The following CCNYL1 variants were observed in gnomAD, a reference collection of about 807,000 sequenced individuals.
CCNYL1 encodes cyclin-Y-like protein 1.
Under a neutral mutation model 44.2 loss-of-function variants are expected in CCNYL1, and 16 were observed. The observed-to-expected ratio is 0.36, with a 90% CI of 0.25 to 0.55. The LOEUF (loss-of-function observed/expected upper bound fraction) is 0.55. Among genes scored for constraint, CCNYL1 ranks in the 20% least tolerant of loss-of-function variants. The probability of loss-of-function intolerance (pLI) is 0.85; values close to 1 mark genes in which losing one functional copy is unlikely to be tolerated. For synonymous variants in CCNYL1, 159 were observed against 163.2 expected (o/e 0.97, Z 0.20); for missense variants, 348 against 451.8 (o/e 0.77, Z 2.08).
chr2:207,712,240 G>A (rs906201382), intron 1 of CCNYL1, 124 bp downstream of exon 1: 1 of 737,048 alleles, frequency 1.4e-6, no homozygotes, highest in Non-Finnish European at 2.1e-6. Context: ...CCGGGACGAA[G>A]GCTGGTTCTG....
chr2:207,747,580 G>T (rs1296463676), intron 8 of CCNYL1, among the ~76,000 whole-genome samples: 1 of 152,120 alleles, frequency 6.6e-6, no homozygotes, highest in Non-Finnish European at 1.5e-5. Flanking sequence ...ACGGAGTCTT[G>T]CTCGGTTGCC....
chr2:207,732,010 A>G (rs529416723), intron 3 of CCNYL1, among the ~76,000 whole-genome samples: 34 of 152,152 alleles, frequency 2.2e-4, no homozygotes, highest in African/African-American at 7.5e-4. Flanking sequence ...GGGTTTCTCC[A>G]TGTTGGCCTG....
Position 207,716,848 on chromosome 2 carries a change from G to A in CCNYL1, c.220+4732G>A, listed in dbSNP as rs186224089. On this transcript the variant is annotated intron_variant, in intron 1 of 9. Coordinates refer to ENST00000295414, the MANE Select transcript of CCNYL1 (RefSeq NM_001330218.2). Reference sequence around the variant, plus strand: ...TTATGGGCCAGGTGTGGTGGCTCACGCCTGTAATCCCAGCACTTTGGGAGG... The same window carrying A: ...TTATGGGCCAGGTGTGGTGGCTCACACCTGTAATCCCAGCACTTTGGGAGG... Among the ~76,000 whole-genome samples, 777 of 152,204 alleles carry A rather than the reference G, an allele frequency of 5.1e-3. 7 individuals carry two copies. The highest frequency in any genetic ancestry group is 0.017 in the African/African-American group (722 of 41,520).
rs1559166277 is a variant in CCNYL1 at position 207,724,866 on chromosome 2, A to T, written c.287A>T (p.Gln96Leu). The change falls in exon 2 of 10, where the codon CAA (glutamine) becomes CTA (leucine). Residue 96 changes from glutamine to leucine, a missense_variant. Physicochemically the swap from Gln to Leu is moderately radical, Grantham distance 113. Coordinates refer to ENST00000295414, the MANE Select transcript of CCNYL1 (RefSeq NM_001330218.2). ...AGCACAATTTTCCTGAGCAAATCTC[A>T]AACGGATGGTAAGACAATACTGTTT... is the stretch of plus-strand genomic sequence containing the variant. Reference protein sequence around the residue: ...RASTIFLSKSQTDVREKRKSN... With the variant: ...RASTIFLSKSLTDVREKRKSN... 1 of 1,611,668 alleles carries T rather than the reference A, an allele frequency of 6.2e-7. No individual in the cohort carries two copies. The highest frequency in any genetic ancestry group is 1.7e-5 in the Admixed American group (1 of 59,680).
At chr2:207,712,408 T>C (rs2091557151) in intron 1 of CCNYL1, among the ~76,000 whole-genome samples, 1 of 152,242 alleles carries the variant, frequency 6.6e-6, no homozygotes, top group Non-Finnish European at 1.5e-5. Flanking sequence ...GCTCTGTTCA[T>C]TGTCTGGTGG....
Position 207,754,160 on chromosome 2 carries a change from AAGCCACTTAGGAGCAGAC to A in CCNYL1, c.*466_*483del, listed in dbSNP as rs1364624566. On this transcript the variant is annotated 3_prime_UTR_variant, in exon 10 of 10. Transcript: ENST00000295414. ...CCATTAAAACATGGGACTCTAACTA[AAGCCACTTAGGAGCAGAC>A]AGCAGCGTTGTTAGGTACTGAAGGG... 1 of 153,062 alleles carries A rather than the reference AAGCCACTTAGGAGCAGAC, an allele frequency of 6.5e-6. No individual in the cohort carries two copies. The highest frequency in any genetic ancestry group is 1.5e-5 in the Non-Finnish European group (1 of 68,390). 9.5% of individuals were successfully genotyped at this position (153,062 alleles called of 1,614,324 possible).
Position 207,715,403 on chromosome 2 carries a change from A to G in CCNYL1, c.220+3287A>G, listed in dbSNP as rs1166260776. 6.2e-3 allele frequency among the ~76,000 whole-genome samples: 56 copies of G among 9,038 alleles called. 1 individual carries two copies. The highest frequency in any genetic ancestry group is 2.3e-3 in the Non-Finnish European group (10 of 4,436). The allele number at this position is 9,038 out of a possible 152,430, so 5.9% of individuals were successfully genotyped here. ...TCTTTTTTTTTTTTTTTTTTTTTTGACAGAGCTTCACTCTTGCCTAGGCTG... is the reference window on the plus strand; with the variant it reads ...TCTTTTTTTTTTTTTTTTTTTTTTGGCAGAGCTTCACTCTTGCCTAGGCTG... On this transcript the variant is annotated intron_variant, in intron 1 of 9. Transcript: ENST00000295414.
At chr2:207,742,889 G>A (rs2091822150) in intron 7 of CCNYL1, among the ~76,000 whole-genome samples, 1 of 152,158 alleles carries the variant, frequency 6.6e-6, no homozygotes, top group African/African-American at 2.4e-5. Context: ...TTGGACAAAG[G>A]CTTTGCTGAT....
intron 2 of CCNYL1, among the ~76,000 whole-genome samples, chr2:207,725,152 G>T (rs2091670785): frequency 2.3e-5 from 3 of 133,044 alleles, no homozygotes; most frequent in Admixed American, 8.6e-5. Flanking sequence ...TTGAGAGGCT[G>T]GAGTGCCTTT....
chr2:207,751,950 G>A (rs1174481641), intron 9 of CCNYL1, among the ~76,000 whole-genome samples: 1 of 151,710 alleles, frequency 6.6e-6, no homozygotes, highest in Non-Finnish European at 1.5e-5. Context: ...CATGAGCATC[G>A]CTTGAACCTG....
rs2091928980 is a variant in CCNYL1 at position 207,755,976 on chromosome 2, G to A, written c.*2278G>A. Reference sequence around the variant, plus strand: ...GCTGCAGTTTCCATCATTTTTAAAGGACAGAGACATAAATGATAAATAATG... The same window carrying A: ...GCTGCAGTTTCCATCATTTTTAAAGAACAGAGACATAAATGATAAATAATG... On this transcript the variant is annotated 3_prime_UTR_variant, in exon 10 of 10. Transcript: ENST00000295414. 6.6e-6 allele frequency: 1 copy of A among 151,172 alleles called. No homozygotes were observed. Among genetic ancestry groups the A allele is most frequent in the South Asian group, 2.1e-4 (1 of 4,822 alleles). 9.4% of individuals were successfully genotyped at this position (151,172 alleles called of 1,614,324 possible).
Position 207,726,893 on chromosome 2 carries a change from A to G in CCNYL1, c.330+17A>G. Reference sequence around the variant, plus strand: ...TTGAACCATGTAAGTAAACAGTTGGAAAGCTAAGAAATTAACAGTTGAATT... The same window carrying G: ...TTGAACCATGTAAGTAAACAGTTGGGAAGCTAAGAAATTAACAGTTGAATT... On this transcript the variant is annotated intron_variant, in intron 3 of 9. Coordinates refer to ENST00000295414, the MANE Select transcript of CCNYL1 (RefSeq NM_001330218.2). 6.5e-7 allele frequency: 1 copy of G among 1,529,924 alleles called. No individual in the cohort carries two copies. The highest frequency in any genetic ancestry group is 8.8e-7 in the Non-Finnish European group (1 of 1,142,694). 94.8% of individuals were successfully genotyped at this position (1,529,924 alleles called of 1,614,324 possible).
chr2:207,751,498 T>C (rs2091890109), intron 9 of CCNYL1, among the ~76,000 whole-genome samples: 3 of 152,154 alleles, frequency 2.0e-5, no homozygotes, highest in Admixed American at 2.0e-4. Flanking sequence ...GGTGGGCAGA[T>C]CACTTGAGGT....
At position 207,728,206 on chromosome 2, in the gene CCNYL1, T is replaced by C. The variant is rs564965375; in HGVS notation, c.330+1330T>C. On this transcript the variant is annotated intron_variant, in intron 3 of 9. Transcript: ENST00000295414. ...CTCGAACTCCTGACCTCAGGTGATCTGCCCGCCTTGGCCTCCCAAAGTGGG... is the reference window on the plus strand; with the variant it reads ...CTCGAACTCCTGACCTCAGGTGATCCGCCCGCCTTGGCCTCCCAAAGTGGG... Among the ~76,000 whole-genome samples, 33 of 151,984 alleles carry C rather than the reference T, an allele frequency of 2.2e-4. No homozygotes were observed. In the East Asian group the frequency reaches 6.0e-3, roughly 28 times the overall value.
intron 5 of CCNYL1, among the ~76,000 whole-genome samples, chr2:207,740,351 G>T (rs2091798868): frequency 6.6e-6 from 1 of 152,158 alleles, no homozygotes; most frequent in African/African-American, 2.4e-5. Flanking sequence ...TCCAATGAGG[G>T]GTTAGAAGAG....
intron 4 of CCNYL1, among the ~76,000 whole-genome samples, chr2:207,735,483 A>G (rs2091758024): frequency 6.6e-6 from 1 of 152,230 alleles, no homozygotes. Context: ...TACACAGACA[A>G]GCACATCCCA....
chr2:207,714,302 A>C (rs2091575776), intron 1 of CCNYL1: 1 of 415,676 alleles, frequency 2.4e-6, no homozygotes. Context: ...CAGAGGCAAC[A>C]CTTACATCTC....
chr2:207,739,577 A>G (rs2091792694), intron 5 of CCNYL1, among the ~76,000 whole-genome samples: 2 of 152,246 alleles, frequency 1.3e-5, no homozygotes, highest in Middle Eastern at 6.8e-3. Flanking sequence ...AGTAAAAATG[A>G]TATTCTGTGA....
chr2:207,713,515 T>C (rs911854288), intron 1 of CCNYL1, among the ~76,000 whole-genome samples: 1 of 152,166 alleles, frequency 6.6e-6, no homozygotes, highest in Admixed American at 6.5e-5. Context: ...GAGATAAGTC[T>C]AGGTAAAAAT....
Sources: gnomAD v4.1 joint callset for allele counts (sites outside exome capture counted in the v4.1 genomes callset) on GRCh38, gnomAD v4.1.1 for gene constraint, MANE v1.5 for transcripts, NCBI Gene and HGNC (gene_info 2026-07-23, HGNC 2026-07-21) for gene names.